ATP2A2: variants seen among roughly 807,000 people sequenced by gnomAD.
ATP2A2 encodes ATPase sarcoplasmic/endoplasmic reticulum Ca2+ transporting 2.
Under a neutral mutation model 109.3 loss-of-function variants are expected in ATP2A2, and 14 were observed. That is an observed-to-expected ratio of 0.13 (90% confidence interval 0.08 to 0.20). ATP2A2 has a LOEUF of 0.20. Ranked by LOEUF, ATP2A2 falls within the 10% of genes least tolerant of loss-of-function variation. The pLI is 1.00. For synonymous variants in ATP2A2, 506 were observed against 490.9 expected (o/e 1.03, Z -0.41); for missense variants, 657 against 1,321.6 (o/e 0.50, Z 7.80).
At position 110,346,679 on chromosome 12, in the gene ATP2A2, A is replaced by G; in HGVS notation, c.*209A>G. On this transcript the variant is annotated 3_prime_UTR_variant, in exon 20 of 20. Transcript: ENST00000539276. ...ATAATTAAAGTGTCCATTGACATGT[A>G]CAGAGAACTAACACTATTTTATGCA... The G allele has an allele frequency of 2.1e-6, 3 of 1,431,338 alleles. No individual in the cohort carries two copies. The highest frequency in any genetic ancestry group is 2.7e-6 in the Non-Finnish European group (3 of 1,099,688). The allele number at this position is 1,431,338 out of a possible 1,614,324, so 88.7% of individuals were successfully genotyped here. A position where few individuals can be genotyped will look rare whatever the true frequency, so the allele number is the denominator to read the frequency against.
rs74351134 is a variant in ATP2A2 at position 110,296,080 on chromosome 12, G to T, written c.325-519G>T. The T allele has an allele frequency of 2.9e-4, 49 of 166,392 alleles. No homozygotes were observed. In the East Asian group the frequency reaches 8.1e-3, roughly 27 times the overall value. 10.3% of individuals were successfully genotyped at this position (166,392 alleles called of 1,614,324 possible). On this transcript the variant is annotated intron_variant, in intron 4 of 19. Transcript: ENST00000539276. Reference sequence around the variant, plus strand: ...GCCTGTATTGAACCTGGGCAGCTTAGCCCAGAGTTGGGTTGGGTTGGGGTT... The same window carrying T: ...GCCTGTATTGAACCTGGGCAGCTTATCCCAGAGTTGGGTTGGGTTGGGGTT...
chr12:110,315,560 C>T (rs1410119844), intron 5 of ATP2A2, among the ~76,000 whole-genome samples: 3 of 152,174 alleles, frequency 2.0e-5, no homozygotes, highest in Admixed American at 1.3e-4. Flanking sequence ...AAGACTAAAA[C>T]TCAGAGTTTG....
Position 110,296,492 on chromosome 12 carries a change from G to A in ATP2A2, c.325-107G>A, listed in dbSNP as rs1452239749. ...TGTTTAGTACAAATGTTACTGGTGG[G>A]CTTCCTTTCTTTTTAAAGATTAGAC... On this transcript the variant is annotated intron_variant, in intron 4 of 19. Coordinates refer to ENST00000539276, the MANE Select transcript of ATP2A2 (RefSeq NM_170665.4). The A allele has an allele frequency of 2.1e-6, 3 of 1,397,976 alleles. No individual in the cohort carries two copies. The African/African-American group carries it at 4.3e-5, about 20-fold the overall frequency. The allele number at this position is 1,397,976 out of a possible 1,614,324, so 86.6% of individuals were successfully genotyped here. A position where few individuals can be genotyped will look rare whatever the true frequency, so the allele number is the denominator to read the frequency against.
intron 5 of ATP2A2, among the ~76,000 whole-genome samples, chr12:110,306,763 T>C (rs576635761): frequency 3.2e-4 from 49 of 152,206 alleles, no homozygotes; most frequent in African/African-American, 1.2e-3. Flanking sequence ...GGTCTCACTC[T>C]GTCGCCCAGG....
At chr12:110,284,627 A>C (rs534013299) in intron 3 of ATP2A2, among the ~76,000 whole-genome samples, 2 of 152,290 alleles carry the variant, frequency 1.3e-5, no homozygotes, top group African/African-American at 4.8e-5. Context: ...CATTTCAAGC[A>C]GGTTTTTAAA....
chr12:110,292,051 C>T lies in ATP2A2; in HGVS notation c.251C>T (p.Thr84Ile). The T allele has an allele frequency of 6.2e-7, 1 of 1,614,124 alleles. No individual in the cohort carries two copies. Among genetic ancestry groups the T allele is most frequent in the Non-Finnish European group, 8.5e-7 (1 of 1,179,998 alleles). The change falls in exon 4 of 20, where the codon ACA becomes ATA. Residue 84 changes from threonine to isoleucine, a missense_variant. Thr to Ile is a moderately conservative substitution (Grantham distance 89, BLOSUM62 -1). Transcript: ENST00000539276. ...GCTTGGTTTGAAGAAGGTGAAGAAA[C>T]AATTACAGCCTTTGTAGAACCTTTT... ...VLAWFEEGEE[T>I]ITAFVEPFVI...
rs537459029 is a variant in ATP2A2 at position 110,350,582 on chromosome 12, C to T, written c.*4112C>T. 1.3e-4 allele frequency: 69 copies of T among 526,282 alleles called. No homozygotes were observed. The highest frequency in any genetic ancestry group is 1.2e-3 in the African/African-American group (65 of 52,806). The allele number at this position is 526,282 out of a possible 1,614,324, so 32.6% of individuals were successfully genotyped here. ...TCTTTGCTGCAAGAGGAATGAGGCT[C>T]TGTAACCTTATCTAAGAACTTGGAA... On this transcript the variant is annotated 3_prime_UTR_variant, in exon 20 of 20. Coordinates refer to ENST00000539276, the MANE Select transcript of ATP2A2 (RefSeq NM_170665.4).
chr12:110,331,774 TTTTA>T (rs1373915699), intron 8 of ATP2A2: 2 of 152,200 alleles, frequency 1.3e-5, no homozygotes, highest in Non-Finnish European at 2.9e-5. Context: ...AATTTTTTCT[TTTTA>T]GAGGAGGTTT....
chr12:110,304,466 G>A (rs1383130247), intron 5 of ATP2A2, among the ~76,000 whole-genome samples: 3 of 152,244 alleles, frequency 2.0e-5, no homozygotes, highest in South Asian at 2.1e-4. Flanking sequence ...ATTGTCTATC[G>A]TTTTAAAGTT....
In ATP2A2 at chr12:110,342,135, A is replaced by G. The variant is rs183511121; in HGVS notation, c.2098-93A>G. 8,101 of 1,429,832 alleles carry G rather than the reference A, an allele frequency of 5.7e-3. 38 individuals carry two copies. Among genetic ancestry groups the G allele is most frequent in the South Asian group, 9.0e-3 (778 of 86,530 alleles). 88.6% of individuals were successfully genotyped at this position (1,429,832 alleles called of 1,614,324 possible). On this transcript the variant is annotated intron_variant, in intron 14 of 19. Transcript: ENST00000539276. This position sits in a 1 kb window ranked among gnomAD's most constrained non-coding sequence, Gnocchi z 4.6. ...TGCCAAGAGACCTACGGCTCTATTC[A>G]TTTTCCTCCTGCTTCCCATTCAGTG...
Position 110,281,863 on chromosome 12 carries a change from G to T in ATP2A2, c.74G>T (p.Ser25Ile). ...HFGVNESTGL[S>I]LEQVKKLKER... is the part of the protein sequence containing the mutation. ...GGCGTCAACGAGAGTACGGGGCTGAGCCTGGAACAGGTCAAGAAGCTTAAG... is the reference window on the plus strand; with the variant it reads ...GGCGTCAACGAGAGTACGGGGCTGATCCTGGAACAGGTCAAGAAGCTTAAG... Residue 25 changes from serine (S) to isoleucine (I), a missense_variant, in exon 1 of 20, where the codon AGC becomes ATC. This residue lies in a region of ATP2A2 where 64 missense variants were observed against 65.4 expected (regional missense o/e 0.98). Transcript: ENST00000539276. 2.5e-6 allele frequency: 4 copies of T among 1,578,148 alleles called. No individual in the cohort carries two copies. The highest frequency in any genetic ancestry group is 1.7e-6 in the Non-Finnish European group (2 of 1,164,020).
intron 4 of ATP2A2, among the ~76,000 whole-genome samples, chr12:110,293,102 G>A (rs1873495551): frequency 6.6e-6 from 1 of 151,878 alleles, no homozygotes; most frequent in Non-Finnish European, 1.5e-5. Context: ...TTTGTTTTGA[G>A]ACCGACTCTC....
rs1879744419 is a variant in ATP2A2 at position 110,345,364 on chromosome 12, T to C, written c.2723T>C (p.Met908Thr). Residue 908 changes from methionine (M) to threonine (T), a missense_variant, in exon 18 of 20, where the codon ATG (methionine) becomes ACG (threonine). Met to Thr is a moderately conservative substitution (Grantham distance 81, BLOSUM62 -1). This residue lies in a region of ATP2A2 where 125 missense variants were observed against 243.5 expected (regional missense o/e 0.51). Coordinates refer to ENST00000539276, the MANE Select transcript of ATP2A2 (RefSeq NM_170665.4). ...CTCTCTGTTCTAGTAACTATAGAAA[T>C]GTGTAACGCCCTCAACAGGTTAGTG... ...MALSVLVTIE[M>T]CNALNSLSEN... 1 of 1,614,070 alleles carries C rather than the reference T, an allele frequency of 6.2e-7. No homozygotes were observed. The highest frequency in any genetic ancestry group is 1.3e-5 in the African/African-American group (1 of 74,920).
intron 5 of ATP2A2, among the ~76,000 whole-genome samples, chr12:110,298,473 A>T (rs1488849316): frequency 6.6e-6 from 1 of 152,204 alleles, no homozygotes; most frequent in Non-Finnish European, 1.5e-5. Flanking sequence ...TAATCCCAGC[A>T]CTTTGGGAGG....
chr12:110,339,307 A>G lies in ATP2A2; in HGVS notation c.1446A>G (p.Glu482=). 6.2e-7 allele frequency: 1 copy of G among 1,614,148 alleles called. No individual in the cohort carries two copies. Among genetic ancestry groups the G allele is most frequent in the Non-Finnish European group, 8.5e-7 (1 of 1,180,026 alleles). ...TCATTAAACAGCTGATGAAAAAGGA[A>G]TTCACTCTAGAGTTTTCACGTGACA... ...NSVIKQLMKK[E]FTLEFSRDRK... Residue 482 remains glutamate, a synonymous_variant, in exon 12 of 20, where the codon GAA becomes GAG. Coordinates refer to ENST00000539276, the MANE Select transcript of ATP2A2 (RefSeq NM_170665.4). This position sits in a 1 kb window ranked among gnomAD's most constrained non-coding sequence, Gnocchi z 4.4.
chr12:110,288,152 G>T (rs1872858535), intron 3 of ATP2A2, among the ~76,000 whole-genome samples: 1 of 133,288 alleles, frequency 7.5e-6, no homozygotes, highest in South Asian at 2.3e-4. Flanking sequence ...CTGTCACCTA[G>T]GCTGGAATGT....
In ATP2A2 at chr12:110,342,587, G is replaced by A; in HGVS notation, c.2318+139G>A. The A allele has an allele frequency of 1.9e-6, 2 of 1,033,052 alleles. No homozygotes were observed. The highest frequency in any genetic ancestry group is 1.5e-6 in the Non-Finnish European group (1 of 682,856). 64.0% of individuals were successfully genotyped at this position (1,033,052 alleles called of 1,614,324 possible). A position where few individuals can be genotyped will look rare whatever the true frequency, so the allele number is the denominator to read the frequency against. ...TTGGAAGAGGGGAGTGGGCAAGACAGAAATGCCTTATGGAAGCAGTGGTGC... is the reference window on the plus strand; with the variant it reads ...TTGGAAGAGGGGAGTGGGCAAGACAAAAATGCCTTATGGAAGCAGTGGTGC... On this transcript the variant is annotated intron_variant, in intron 15 of 19. Coordinates refer to ENST00000539276, the MANE Select transcript of ATP2A2 (RefSeq NM_170665.4). This position sits in a 1 kb window ranked among gnomAD's most constrained non-coding sequence, Gnocchi z 4.6.
chr12:110,337,821 C>G (rs964742354), intron 11 of ATP2A2, among the ~76,000 whole-genome samples: 3 of 152,326 alleles, frequency 2.0e-5, no homozygotes, highest in South Asian at 4.1e-4. Flanking sequence ...TTAACGCTGA[C>G]AGTGTGTTTA....
chr12:110,347,444 G>A lies in ATP2A2; in HGVS notation c.*974G>A, dbSNP rs532651509. On this transcript the variant is annotated 3_prime_UTR_variant, in exon 20 of 20. Transcript: ENST00000539276. ...TCTGCTTGAGGGGAAGAAGGCTCCT[G>A]CTCTGCTGTGTAGGTAGTCATAGGA... 7 of 1,289,076 alleles carry A rather than the reference G, an allele frequency of 5.4e-6. No homozygotes were observed. The South Asian group carries it at 7.4e-5, about 14-fold the overall frequency. 79.9% of individuals were successfully genotyped at this position (1,289,076 alleles called of 1,614,324 possible). A position where few individuals can be genotyped will look rare whatever the true frequency, so the allele number is the denominator to read the frequency against.
Sources: gnomAD v4.1 joint callset for allele counts (sites outside exome capture counted in the v4.1 genomes callset) on GRCh38, gnomAD v4.1.1 for gene constraint, gnomAD v4.1.1 regional missense constraint, Gnocchi (gnomAD v3.1) non-coding constraint, MANE v1.5 for transcripts, NCBI Gene and HGNC (gene_info 2026-07-23, HGNC 2026-07-21) for gene names.